CRTAM: variants seen among roughly 807,000 people sequenced by gnomAD.
CRTAM encodes the protein cytotoxic and regulatory T-cell molecule.
CRTAM carries 44 observed loss-of-function variants against 50.0 expected under a neutral mutation model. That is an observed-to-expected ratio of 0.88 (90% CI 0.69 to 1.13). CRTAM has a LOEUF of 1.13. Among genes scored for constraint, CRTAM ranks in the 50% most tolerant of loss-of-function variants. The pLI is 0.00. For missense variants in CRTAM, 448 were observed against 457.5 expected (o/e 0.98, Z 0.19); for synonymous variants, 159 against 169.3 (o/e 0.94, Z 0.47).
intron 5 of CRTAM, among the ~76,000 whole-genome samples, chr11:122,858,345 C>G (rs945109547): frequency 3.3e-4 from 50 of 152,220 alleles, no homozygotes; most frequent in African/African-American, 1.2e-3. Flanking sequence ...CCTGCCTCAG[C>G]CTCCGGGGTG....
chr11:122,860,505 A>G (rs1862057927), intron 5 of CRTAM, among the ~76,000 whole-genome samples: 2 of 152,200 alleles, frequency 1.3e-5, no homozygotes, highest in East Asian at 3.8e-4. Context: ...AACAACATTC[A>G]GTCTAAATGC....
chr11:122,868,188 A>ATATG (rs1555043187), intron 9 of CRTAM, 89 bp downstream of exon 9: 2 of 438,344 alleles, frequency 4.6e-6, no homozygotes, highest in Non-Finnish European at 4.2e-6. Flanking sequence ...ACAACAGAAT[A>ATATG]TGTGTGTGTG....
intron 5 of CRTAM, among the ~76,000 whole-genome samples, chr11:122,861,284 AT>A (rs1487668402): frequency 6.7e-6 from 1 of 150,034 alleles, no homozygotes; most frequent in Non-Finnish European, 1.5e-5. Context: ...AAATTATTTG[AT>A]TAAATAAACA....
intron 1 of CRTAM, among the ~76,000 whole-genome samples, chr11:122,849,062 T>C (rs1187655364): frequency 6.6e-6 from 1 of 152,204 alleles, no homozygotes; most frequent in Non-Finnish European, 1.5e-5. Context: ...GGCTGTGGAA[T>C]ACTGAATTGA....
In CRTAM at chr11:122,864,646, G is replaced by A. The variant is rs758421961; in HGVS notation, c.744G>A (p.Thr248=). 1.7e-5 allele frequency: 27 copies of A among 1,611,674 alleles called. No homozygotes were observed. In the South Asian group the frequency reaches 1.9e-4, roughly 11 times the overall value. ...CTTCTTTCACTTTAGTCTCAGTAAC[G>A]GAAGATTCTAGTACATCGGAGATTG... ...PQQPTSTVSV[T]EDSSTSEIDK... The change falls in exon 7 of 10, where the codon ACG becomes ACA. Residue 248 remains threonine, a synonymous_variant. Coordinates refer to ENST00000227348, the MANE Select transcript of CRTAM (RefSeq NM_019604.4).
At chr11:122,858,386 C>T (rs1033764311) in intron 5 of CRTAM, among the ~76,000 whole-genome samples, 16 of 152,052 alleles carry the variant, frequency 1.1e-4, no homozygotes, top group Non-Finnish European at 1.5e-4. Context: ...CCACCACGCC[C>T]TGCTAATTTT....
At chr11:122,867,368 AAAC>A (rs1372300537) in intron 7 of CRTAM, 38 bp from the exon 8 acceptor site, 12 of 1,550,502 alleles carry the variant, frequency 7.7e-6, no homozygotes, top group African/African-American at 7.0e-5. Flanking sequence ...AAAAAAAAAA[AAAC>A]CCAAAGTATC....
chr11:122,846,649 T>G (rs1861867650), intron 1 of CRTAM, among the ~76,000 whole-genome samples: 1 of 152,218 alleles, frequency 6.6e-6, no homozygotes, highest in Non-Finnish European at 1.5e-5. Context: ...TGTCTCTCTC[T>G]GTCTTTTCAT....
At chr11:122,840,783 A>G (rs891078185) in intron 1 of CRTAM, among the ~76,000 whole-genome samples, 1 of 152,068 alleles carries the variant, frequency 6.6e-6, no homozygotes, top group Admixed American at 6.6e-5. Context: ...TGTTACTTCT[A>G]TGGCTGCCAA....
chr11:122,862,886 C>T (rs576462968), intron 6 of CRTAM, among the ~76,000 whole-genome samples: 1 of 146,510 alleles, frequency 6.8e-6, no homozygotes, highest in Admixed American at 6.8e-5. Context: ...TAGAGAGACT[C>T]GTTTCTTTGT....
Position 122,853,975 on chromosome 11 carries a change from G to C in CRTAM, c.379G>C (p.Val127Leu), listed in dbSNP as rs1861969364. The change falls in exon 4 of 10, where the codon GTT becomes CTT. Residue 127 changes from valine to leucine, a missense_variant. By Grantham distance (32) the Val-to-Leu change is conservative. Transcript: ENST00000227348. Reference protein sequence around the residue: ...TPFKPILEASVIRKQNGEEHV... With the variant: ...TPFKPILEASLIRKQNGEEHV... ...TTTCAAGCCAATCCTGGAAGCTTCA[G>C]TTATCAGAAAGCAAAATGGAGAAGA... 7.4e-6 allele frequency: 12 copies of C among 1,614,072 alleles called. No homozygotes were observed. The highest frequency in any genetic ancestry group is 1.3e-5 in the African/African-American group (1 of 75,018).
chr11:122,848,813 A>T (rs1718207138), intron 1 of CRTAM, among the ~76,000 whole-genome samples: 1 of 152,224 alleles, frequency 6.6e-6, no homozygotes, highest in Non-Finnish European at 1.5e-5. Context: ...TGTTTATAAA[A>T]GTGGTTTATA....
chr11:122,853,557 A>G lies in CRTAM; in HGVS notation c.347-386A>G, dbSNP rs530150271. 4.1e-3 allele frequency among the ~76,000 whole-genome samples: 630 copies of G among 151,982 alleles called. 4 individuals are homozygous for G. Among genetic ancestry groups the G allele is most frequent in the African/African-American group, 0.014 (596 of 41,492 alleles). ...AAATATGGGCCGGGCGCAGTGGCTC[A>G]CACTTGTAATCCCAGCACTTTGGGA... On this transcript the variant is annotated intron_variant, in intron 3 of 9. Coordinates refer to ENST00000227348, the MANE Select transcript of CRTAM (RefSeq NM_019604.4).
At chr11:122,839,227 C>A (rs117221617) in intron 1 of CRTAM, among the ~76,000 whole-genome samples, 2,066 of 152,294 alleles carry the variant, frequency 0.014, 23 homozygotes, top group Non-Finnish European at 0.022. Flanking sequence ...CCACCGCGCC[C>A]GGCCTCCACG....
chr11:122,862,462 A>C lies in CRTAM; in HGVS notation c.653-2A>C. ...CAGAATTTTGTTTTTCCCCTTTCCT[A>C]GTTACTGATGAAGAGACAGCTTCAG... is the stretch of plus-strand genomic sequence containing the variant. On this transcript the variant is annotated splice_acceptor_variant, in intron 5 of 9. Coordinates refer to ENST00000227348, the MANE Select transcript of CRTAM (RefSeq NM_019604.4). LOFTEE classifies it high-confidence loss of function. The C allele has an allele frequency of 6.2e-7, 1 of 1,606,318 alleles. No homozygotes were observed. The highest frequency in any genetic ancestry group is 1.1e-5 in the South Asian group (1 of 90,936).
intron 1 of CRTAM, among the ~76,000 whole-genome samples, chr11:122,843,151 G>A (rs1861820033): frequency 6.6e-6 from 1 of 152,168 alleles, no homozygotes. Context: ...GTAGATGGCT[G>A]TTACTGCTGC....
At chr11:122,847,806 C>A (rs950210097) in intron 1 of CRTAM, among the ~76,000 whole-genome samples, 4 of 152,154 alleles carry the variant, frequency 2.6e-5, no homozygotes, top group African/African-American at 9.7e-5. Flanking sequence ...AAACTAGAGG[C>A]ATAGCTTCTT....
chr11:122,866,030 A>T (rs1016837218), intron 7 of CRTAM, among the ~76,000 whole-genome samples: 1 of 152,004 alleles, frequency 6.6e-6, no homozygotes, highest in Admixed American at 6.6e-5. Flanking sequence ...TACCATCAAA[A>T]TATCTCTTTA....
At chr11:122,867,984 A>G (rs1253458215) in intron 8 of CRTAM, 29 bp from the exon 9 acceptor site, 2 of 1,355,670 alleles carry the variant, frequency 1.5e-6, no homozygotes, top group Non-Finnish European at 2.1e-6. Flanking sequence ...GGCATCAGAA[A>G]TTAGTTGCTT....
Sources: gnomAD v4.1 joint callset for allele counts (sites outside exome capture counted in the v4.1 genomes callset) on GRCh38, gnomAD v4.1.1 for gene constraint, MANE v1.5 for transcripts, NCBI Gene and HGNC (gene_info 2026-07-23, HGNC 2026-07-21) for gene names.